Variants in ARHGAP15 observed in about 807,000 individuals in gnomAD.
ARHGAP15 encodes the protein rho GTPase-activating protein 15.
ARHGAP15 carries 51 observed loss-of-function variants against 63.7 expected under a neutral mutation model. The observed-to-expected ratio is 0.80, with a 90% CI of 0.64 to 1.01. The LOEUF is 1.01. ARHGAP15 is among the 50% of genes least tolerant of loss of function. ARHGAP15 has a pLI of 0.00. For synonymous variants in ARHGAP15, 191 were observed against 193.8 expected (o/e 0.99, Z 0.12); for missense variants, 560 against 564.6 (o/e 0.99, Z 0.08).
chr2:143,622,377 A>G (rs1359321634), intron 11 of ARHGAP15, among the ~76,000 whole-genome samples: 1 of 152,118 alleles, frequency 6.6e-6, no homozygotes, highest in African/African-American at 2.4e-5. Flanking sequence ...TGAGAGGGAC[A>G]TTTCAAAATA....
At chr2:143,696,591 C>T (rs1683857755) in intron 12 of ARHGAP15, among the ~76,000 whole-genome samples, 1 of 152,056 alleles carries the variant, frequency 6.6e-6, no homozygotes, top group South Asian at 2.1e-4. Context: ...GTTGAAGCTT[C>T]CCTCATTTAA....
chr2:143,135,155 T>C lies in ARHGAP15; in HGVS notation c.-15+5689T>C, dbSNP rs186714457. On this transcript the variant is annotated intron_variant, in intron 1 of 13. Coordinates refer to ENST00000295095, the MANE Select transcript of ARHGAP15 (RefSeq NM_018460.4). ...TTTAATGAGCGTGAATGCAGATGAA[T>C]TGGATATAAGTAAGATTCAGTGAGG... Among the ~76,000 whole-genome samples the C allele has an allele frequency of 2.6e-5, 4 of 152,242 alleles. No homozygotes were observed. The East Asian group carries it at 5.8e-4, about 22-fold the overall frequency.
At chr2:143,196,774 G>A (rs924868317) in intron 2 of ARHGAP15, among the ~76,000 whole-genome samples, 5 of 151,826 alleles carry the variant, frequency 3.3e-5, no homozygotes, top group African/African-American at 1.2e-4. Context: ...GTTCTATTCT[G>A]TTTAGAGGGG....
At chr2:143,702,515 A>T (rs1231939171) in intron 12 of ARHGAP15, among the ~76,000 whole-genome samples, 3 of 152,202 alleles carry the variant, frequency 2.0e-5, no homozygotes, top group Non-Finnish European at 2.9e-5. Flanking sequence ...CTTCTACAAA[A>T]TCAAGCAACA....
chr2:143,746,211 C>A (rs1428581319), intron 13 of ARHGAP15, among the ~76,000 whole-genome samples: 1 of 152,064 alleles, frequency 6.6e-6, no homozygotes, highest in Non-Finnish European at 1.5e-5. Context: ...ATACCTTAAC[C>A]TAAAGTAATT....
At chr2:143,398,773 C>A (rs989819621) in intron 6 of ARHGAP15, among the ~76,000 whole-genome samples, 20 of 29,374 alleles carry the variant, frequency 6.8e-4, no homozygotes, top group African/African-American at 2.8e-3. Context: ...GAAAAAAATC[C>A]TCATTTTTTT....
At chr2:143,324,994 CA>C (rs1386902334) in intron 6 of ARHGAP15, among the ~76,000 whole-genome samples, 2 of 152,118 alleles carry the variant, frequency 1.3e-5, no homozygotes, top group Non-Finnish European at 2.9e-5. Flanking sequence ...CAATAGGTCA[CA>C]AGTCATGGCT....
intron 13 of ARHGAP15, among the ~76,000 whole-genome samples, chr2:143,717,432 C>G (rs1308133328): frequency 6.6e-6 from 1 of 152,234 alleles, no homozygotes; most frequent in African/African-American, 2.4e-5. Context: ...CATAGGAATT[C>G]CAGGACAAAC....
rs910585953 is a variant in ARHGAP15, at chr2:143,435,413, C to T, written c.475-188C>T. The T allele has an allele frequency of 1.2e-5, 14 of 1,203,416 alleles. No individual in the cohort carries two copies. In the East Asian group the frequency reaches 1.3e-4, roughly 11 times the overall value. 74.5% of individuals were successfully genotyped at this position (1,203,416 alleles called of 1,614,324 possible). A position where few individuals can be genotyped will look rare whatever the true frequency, so the allele number is the denominator to read the frequency against. On this transcript the variant is annotated intron_variant, in intron 6 of 13. Transcript: ENST00000295095. ...TAAAACAATAATGTATTTGTTATGA[C>T]GTGAAAAACAGTTTATAGAGAGCGG...
At chr2:143,364,754 C>T (rs1686221739) in intron 6 of ARHGAP15, among the ~76,000 whole-genome samples, 1 of 152,156 alleles carries the variant, frequency 6.6e-6, no homozygotes, top group Non-Finnish European at 1.5e-5. Flanking sequence ...AGGCCAGGCA[C>T]GGTGGCTCAG....
At chr2:143,489,162 C>G (rs1462676896) in intron 9 of ARHGAP15, among the ~76,000 whole-genome samples, 1 of 152,180 alleles carries the variant, frequency 6.6e-6, no homozygotes, top group African/African-American at 2.4e-5. Flanking sequence ...GGTTTTAATT[C>G]AGTGGCAGGG....
intron 6 of ARHGAP15, among the ~76,000 whole-genome samples, chr2:143,284,569 C>T (rs1014769015): frequency 3.3e-5 from 5 of 152,126 alleles, no homozygotes; most frequent in Admixed American, 1.3e-4. Context: ...GATAATGATG[C>T]TAGAGCTAAC....
chr2:143,657,831 T>G (rs1681536119), intron 12 of ARHGAP15, among the ~76,000 whole-genome samples: 1 of 152,242 alleles, frequency 6.6e-6, no homozygotes, highest in African/African-American at 2.4e-5. Flanking sequence ...TTTGTTCCTA[T>G]TGTGGCCTTG....
At chr2:143,533,770 C>G (rs994297502) in intron 10 of ARHGAP15, among the ~76,000 whole-genome samples, 1 of 152,136 alleles carries the variant, frequency 6.6e-6, no homozygotes, top group Non-Finnish European at 1.5e-5. Context: ...TTATTACTTT[C>G]TTTTGATACT....
At chr2:143,715,887 T>C (rs906116909) in intron 13 of ARHGAP15, among the ~76,000 whole-genome samples, 18 of 152,190 alleles carry the variant, frequency 1.2e-4, no homozygotes, top group African/African-American at 4.1e-4. Context: ...CCATCTTGAG[T>C]TTATTTTTAA....
intron 13 of ARHGAP15, among the ~76,000 whole-genome samples, chr2:143,719,094 A>T (rs1388847456): frequency 6.6e-6 from 1 of 152,234 alleles, no homozygotes; most frequent in Non-Finnish European, 1.5e-5. Context: ...GTTGGGACAG[A>T]ACCGCTGTAA....
rs975175965 is a variant in ARHGAP15 at position 143,149,105 on chromosome 2, C to T, written c.-14-6372C>T. On this transcript the variant is annotated intron_variant, in intron 1 of 13. Transcript: ENST00000295095. ...TTCCAGGGGATAGAAATGAATTTCT[C>T]GGAGAAATACTATTTATCTGTGGAG... Among the ~76,000 whole-genome samples, 33 of 151,882 alleles carry T rather than the reference C, an allele frequency of 2.2e-4. 1 individual carries two copies. The highest frequency in any genetic ancestry group is 1.6e-4 in the Non-Finnish European group (11 of 67,924).
intron 12 of ARHGAP15, among the ~76,000 whole-genome samples, chr2:143,698,449 A>G (rs1683944900): frequency 6.6e-6 from 1 of 152,216 alleles, no homozygotes; most frequent in African/African-American, 2.4e-5. Flanking sequence ...TTATCATAAC[A>G]TTAAAGGCTA....
chr2:143,510,766 C>A (rs1210263832), intron 9 of ARHGAP15, among the ~76,000 whole-genome samples: 3 of 152,200 alleles, frequency 2.0e-5, no homozygotes, highest in Non-Finnish European at 4.4e-5. Flanking sequence ...ATTTGGGCTG[C>A]CATTATTGTT....
Sources: allele counts gnomAD v4.1 joint callset (sites outside exome capture counted in the v4.1 genomes callset), GRCh38; gene constraint gnomAD v4.1.1; transcripts MANE v1.5; gene names NCBI Gene and HGNC (gene_info 2026-07-23, HGNC 2026-07-21).